Variants in HEATR5A observed in about 807,000 individuals in gnomAD.
HEATR5A encodes HEAT repeat-containing protein 5A.
Under a neutral mutation model 218.8 loss-of-function variants are expected in HEATR5A, and 178 were observed. That is an observed-to-expected ratio of 0.81 (90% CI 0.72 to 0.92). The LOEUF is 0.92. Ranked by LOEUF, HEATR5A falls within the 40% of genes least tolerant of loss-of-function variation. HEATR5A has a pLI of 0.00. For missense variants in HEATR5A, 2,420 were observed against 2,418.9 expected (o/e 1.00, Z -0.01); for synonymous variants, 864 against 871.6 (o/e 0.99, Z 0.15).
At position 31,343,920 on chromosome 14, in the gene HEATR5A, C is replaced by T. The variant is rs1392261662; in HGVS notation, c.3204G>A (p.Leu1068=). 6.2e-7 allele frequency: 1 copy of T among 1,606,752 alleles called. No homozygotes were observed. The highest frequency in any genetic ancestry group is 1.1e-5 in the South Asian group (1 of 89,348). ...CACAGAGGCAGCTAACCAGGCTAGA[C>T]AAGTTGACATGTCGTGGAGCAAACA... The part of the protein sequence containing the change: ...LHMFAPRHVN[L]SSLVSCLCVN... Residue 1068 remains leucine (L), a synonymous_variant, in exon 21 of 36, where the codon TTG becomes TTA. Transcript: ENST00000543095.
At chr14:31,371,052 C>T (rs890122760) in intron 13 of HEATR5A, among the ~76,000 whole-genome samples, 40 of 152,226 alleles carry the variant, frequency 2.6e-4, no homozygotes, top group African/African-American at 8.0e-4. Context: ...TTATGACCCA[C>T]TGCCTGTTTT....
intron 4 of HEATR5A, 79 bp downstream of exon 4, chr14:31,398,594 G>A: frequency 4.2e-6 from 3 of 713,968 alleles, no homozygotes; most frequent in Non-Finnish European, 7.0e-6. Flanking sequence ...CATATGTAAA[G>A]CTCTTTGATT....
chr14:31,295,806 T>C (rs751009784), intron 34 of HEATR5A, 103 bp downstream of exon 34: 13 of 828,304 alleles, frequency 1.6e-5, no homozygotes, highest in East Asian at 7.5e-5. Context: ...AAAAAAATTG[T>C]AGTCTAATAC....
At chr14:31,311,990 A>T (rs1374956436) in intron 28 of HEATR5A, among the ~76,000 whole-genome samples, 1 of 152,182 alleles carries the variant, frequency 6.6e-6, no homozygotes, top group Non-Finnish European at 1.5e-5. Flanking sequence ...GGGGGACGTG[A>T]GGTCCAGTGG....
intron 14 of HEATR5A, among the ~76,000 whole-genome samples, chr14:31,362,818 A>G (rs1901669768): frequency 6.6e-6 from 1 of 151,700 alleles, no homozygotes; most frequent in Admixed American, 6.6e-5. Context: ...ATTTATCAGA[A>G]GATACACTGT....
At position 31,308,035 on chromosome 14, in the gene HEATR5A, A is replaced by C. The variant is rs1566748348; in HGVS notation, c.4691-15T>G. 2.5e-6 allele frequency: 4 copies of C among 1,587,650 alleles called. No individual in the cohort carries two copies. Among genetic ancestry groups the C allele is most frequent in the East Asian group, 2.2e-5 (1 of 44,600 alleles). On this transcript the variant is annotated splice_polypyrimidine_tract_variant and intron_variant, in intron 29 of 35. Transcript: ENST00000543095. ...CACGCTGATTCCTGTGGAAAGCAAAAAAAGAGGAGGAGGCTTCTTTCAAAT... is the reference window on the plus strand; with the variant it reads ...CACGCTGATTCCTGTGGAAAGCAAACAAAGAGGAGGAGGCTTCTTTCAAAT...
At chr14:31,293,725 A>G in intron 35 of HEATR5A, 113 bp from the exon 36 acceptor site, 3 of 1,131,886 alleles carry the variant, frequency 2.7e-6, no homozygotes, top group East Asian at 5.1e-5. Context: ...AATTCGTCCA[A>G]TCTCTTCTAA....
intron 21 of HEATR5A, among the ~76,000 whole-genome samples, chr14:31,342,683 A>C (rs895271799): frequency 3.3e-5 from 5 of 152,180 alleles, no homozygotes; most frequent in African/African-American, 9.6e-5. Context: ...GGAATAATGA[A>C]ATGAGGACTG....
At chr14:31,404,978 A>C (rs2031004970) in intron 1 of HEATR5A, among the ~76,000 whole-genome samples, 1 of 141,432 alleles carries the variant, frequency 7.1e-6, no homozygotes, top group Admixed American at 7.7e-5. Flanking sequence ...TAATCCCAGT[A>C]CTTTGAGAGG....
chr14:31,407,154 G>A (rs1258559395), intron 1 of HEATR5A, among the ~76,000 whole-genome samples: 2 of 152,032 alleles, frequency 1.3e-5, no homozygotes, highest in Non-Finnish European at 2.9e-5. Flanking sequence ...AGCTGGGCAT[G>A]GTGGTGCACA....
intron 1 of HEATR5A, among the ~76,000 whole-genome samples, chr14:31,416,099 T>C (rs1023607337): frequency 1.3e-5 from 2 of 152,006 alleles, no homozygotes; most frequent in African/African-American, 4.8e-5. Flanking sequence ...TCCAGGCGTG[T>C]ACCACCATGC....
At chr14:31,330,364 G>A (rs985334739) in intron 22 of HEATR5A, among the ~76,000 whole-genome samples, 1 of 152,156 alleles carries the variant, frequency 6.6e-6, no homozygotes, top group Non-Finnish European at 1.5e-5. Context: ...CAATTCCCAA[G>A]GCTGCACAGA....
chr14:31,334,945 C>CAAAAAA (rs58661759), intron 22 of HEATR5A, among the ~76,000 whole-genome samples: 19 of 96,554 alleles, frequency 2.0e-4, no homozygotes, highest in African/African-American at 3.8e-4. Context: ...GATTCCATCT[C>CAAAAAA]AAAAAAAAAA....
rs1384587218 is a variant in HEATR5A, at chr14:31,349,848, T to C, written c.2649A>G (p.Leu883=). 1 of 1,613,332 alleles carries C rather than the reference T, an allele frequency of 6.2e-7. No homozygotes were observed. Among genetic ancestry groups the C allele is most frequent in the Admixed American group, 1.7e-5 (1 of 60,004 alleles). Reference sequence around the variant, plus strand: ...AAGCTCCATCATCTACCACTTGGGCTAATCTAGCCCATGACTCTGCAGCTG... The same window carrying C: ...AAGCTCCATCATCTACCACTTGGGCCAATCTAGCCCATGACTCTGCAGCTG... ...RCAAAESWAR[L]AQVVDDGAFT... is the part of the protein sequence containing the mutation. The change falls in exon 18 of 36, where the codon TTA becomes TTG. Residue 883 remains leucine (L), a synonymous_variant. Coordinates refer to ENST00000543095, the MANE Select transcript of HEATR5A (RefSeq NM_015473.4).
rs888137074 is a variant in HEATR5A, at chr14:31,354,523, G to T, written c.2412-3806C>A. Among the ~76,000 whole-genome samples the T allele has an allele frequency of 4.0e-4, 61 of 152,096 alleles. 1 individual carries two copies. The highest frequency in any genetic ancestry group is 3.9e-3 in the Admixed American group (60 of 15,248). The stretch of plus-strand genomic sequence containing the variant: ...AATTCCTATAGAGATCTCAACAAAA[G>T]ATTCTGATCTTCAGGAAGATGGAGA... On this transcript the variant is annotated intron_variant, in intron 16 of 35. Coordinates refer to ENST00000543095, the MANE Select transcript of HEATR5A (RefSeq NM_015473.4).
intron 25 of HEATR5A, chr14:31,320,281 A>G (rs568061340): frequency 1.4e-6 from 1 of 715,624 alleles, no homozygotes; most frequent in Admixed American, 1.8e-5. Context: ...CCATGGCCTC[A>G]GACAGGGCAA....
chr14:31,338,567 T>C (rs1405183545), intron 21 of HEATR5A, among the ~76,000 whole-genome samples: 1 of 152,190 alleles, frequency 6.6e-6, no homozygotes, highest in Non-Finnish European at 1.5e-5. Flanking sequence ...AGTGATTTCA[T>C]ATATGAAATA....
At chr14:31,321,338 G>A (rs539467728) in intron 25 of HEATR5A, among the ~76,000 whole-genome samples, 161 bp downstream of exon 25, 1 of 152,092 alleles carries the variant, frequency 6.6e-6, no homozygotes, top group South Asian at 2.1e-4. Flanking sequence ...TAGAGATGGG[G>A]TTTCGTCATG....
rs534495785 is a variant in HEATR5A, at chr14:31,404,795, T to C, written c.-74-1746A>G. ...CAGGCATGGTGGCGCGTGCCTGTAG[T>C]CCCCGCTACTTGTGAGACTGAGGTA... On this transcript the variant is annotated intron_variant, in intron 1 of 35. Coordinates refer to ENST00000543095, the MANE Select transcript of HEATR5A (RefSeq NM_015473.4). Among the ~76,000 whole-genome samples, 26 of 151,856 alleles carry C rather than the reference T, an allele frequency of 1.7e-4. No individual in the cohort carries two copies. In the South Asian group the frequency reaches 1.9e-3, roughly 11 times the overall value.
Sources: allele counts gnomAD v4.1 joint callset (sites outside exome capture counted in the v4.1 genomes callset), GRCh38; gene constraint gnomAD v4.1.1; transcripts MANE v1.5; gene names NCBI Gene and HGNC (gene_info 2026-07-23, HGNC 2026-07-21).